Variants in KREMEN1 observed in about 807,000 individuals in gnomAD.
KREMEN1 encodes the protein kremen protein 1.
Under a neutral mutation model 46.5 loss-of-function variants are expected in KREMEN1, and 30 were observed. That is an observed-to-expected ratio of 0.65 (90% CI 0.48 to 0.88). The LOEUF is 0.88. KREMEN1 is among the 40% of genes least tolerant of loss of function. The pLI, the probability that KREMEN1 is intolerant of heterozygous loss-of-function variation, is 0.00. For missense variants in KREMEN1, 533 were observed against 596.9 expected (o/e 0.89, Z 1.11); for synonymous variants, 214 against 230.6 (o/e 0.93, Z 0.65).
chr22:29,114,484 G>A (rs191540955), intron 3 of KREMEN1, among the ~76,000 whole-genome samples: 1 of 38,450 alleles, frequency 2.6e-5, no homozygotes, highest in African/African-American at 2.2e-4. Flanking sequence ...GAAACTCCGT[G>A]TCAAAAAAAA....
chr22:29,108,370 A>G (rs939026001), intron 3 of KREMEN1, among the ~76,000 whole-genome samples: 6 of 152,226 alleles, frequency 3.9e-5, no homozygotes, highest in Admixed American at 6.5e-5. Context: ...TGGTGGAAAG[A>G]TGGAAAGAAT....
At position 29,087,563 on chromosome 22, in the gene KREMEN1, A is replaced by G. The variant is rs192142609; in HGVS notation, c.98-6695A>G. 1.6e-4 allele frequency among the ~76,000 whole-genome samples: 22 copies of G among 137,590 alleles called. No individual in the cohort carries two copies. In the East Asian group the frequency reaches 4.3e-3, roughly 27 times the overall value. 90.3% of individuals were successfully genotyped at this position (137,590 alleles called of 152,430 possible). On this transcript the variant is annotated intron_variant, in intron 1 of 8. Transcript: ENST00000400335. Reference sequence around the variant, plus strand: ...CTGTTTTCCTACCACTATCTTATACATGTCAAGTTTTTTTTTTTTTGACGG... The same window carrying G: ...CTGTTTTCCTACCACTATCTTATACGTGTCAAGTTTTTTTTTTTTTGACGG...
At chr22:29,156,552 TC>T (rs2038963528) in intron 9 of KREMEN1, among the ~76,000 whole-genome samples, 1 of 1,290 alleles carries the variant, frequency 7.8e-4, no homozygotes, top group Non-Finnish European at 2.4e-3. Context: ...CTTGGAATGC[TC>T]TCCGCACAGG....
At chr22:29,140,201 C>T (rs774517891) in intron 7 of KREMEN1, 81 bp from the exon 8 acceptor site, 32 of 1,055,288 alleles carry the variant, frequency 3.0e-5, no homozygotes, top group Non-Finnish European at 4.6e-5. Flanking sequence ...GCCAGACTTA[C>T]TCACTTGGGT....
rs1238809659 is a variant in KREMEN1 at position 29,125,259 on chromosome 22, G to A, written c.478-4G>A. The A allele has an allele frequency of 4.3e-6, 7 of 1,613,854 alleles. No individual in the cohort carries two copies. The East Asian group carries it at 8.9e-5, about 21-fold the overall frequency. The stretch of plus-strand genomic sequence containing the variant: ...TACCGTGTGCTGCTTCTCTGTTGTG[G>A]CAGTTTGCTGGGATGGAGTCAGGCT... On this transcript the variant is annotated splice_region_variant and splice_polypyrimidine_tract_variant and intron_variant, in intron 4 of 8. Transcript: ENST00000400335.
At position 29,144,620 on chromosome 22, in the gene KREMEN1, G is replaced by T; in HGVS notation, c.*2508G>T. On this transcript the variant is annotated 3_prime_UTR_variant, in exon 9 of 9. Coordinates refer to ENST00000400335, the MANE Select transcript of KREMEN1 (RefSeq NM_001039570.3). The stretch of plus-strand genomic sequence containing the variant: ...TGTGGAATCTCTCTCAAACATAAGT[G>T]TCAGGTGTGTGTCGTCCCAACGGGT... The T allele has an allele frequency of 3.0e-6, 3 of 985,544 alleles. No homozygotes were observed. Among genetic ancestry groups the T allele is most frequent in the Non-Finnish European group, 3.6e-6 (3 of 829,988 alleles). 61.0% of individuals were successfully genotyped at this position (985,544 alleles called of 1,614,324 possible).
Position 29,145,591 on chromosome 22 carries a change from C to A in KREMEN1, c.*3479C>A, listed in dbSNP as rs866475629. ...AGTTTCTAGCAGCGTTTCTCAGTGT[C>A]CTTGGCCCTTCTGAGAAGGCAGGCG... is the stretch of plus-strand genomic sequence containing the variant. On this transcript the variant is annotated 3_prime_UTR_variant, in exon 9 of 9. Transcript: ENST00000400335. The A allele has an allele frequency of 1.0e-6, 1 of 985,580 alleles. No homozygotes were observed. The highest frequency in any genetic ancestry group is 1.2e-6 in the Non-Finnish European group (1 of 830,042). 61.1% of individuals were successfully genotyped at this position (985,580 alleles called of 1,614,324 possible).
At chr22:29,091,829 T>C (rs2145757494) in intron 1 of KREMEN1, among the ~76,000 whole-genome samples, 1 of 152,320 alleles carries the variant, frequency 6.6e-6, no homozygotes, top group East Asian at 1.9e-4. Context: ...GTAAAGATGA[T>C]GAGAAGGGCT....
chr22:29,111,458 C>T (rs1013477847), intron 3 of KREMEN1: 4 of 151,336 alleles, frequency 2.6e-5, no homozygotes, highest in Non-Finnish European at 4.4e-5. Flanking sequence ...TAAAAAAATA[C>T]AAAAAATTAG....
intron 5 of KREMEN1, among the ~76,000 whole-genome samples, chr22:29,136,755 T>C (rs1226874617): frequency 1.3e-5 from 2 of 152,142 alleles, no homozygotes; most frequent in Non-Finnish European, 2.9e-5. Flanking sequence ...GCTCAGAATC[T>C]AGCATGTTTC....
Position 29,099,309 on chromosome 22 carries a change from G to C in KREMEN1, c.352+356G>C, listed in dbSNP as rs1330845004. 3.3e-5 allele frequency: 6 copies of C among 183,320 alleles called. No homozygotes were observed. In the South Asian group the frequency reaches 7.3e-4, roughly 22 times the overall value. 11.4% of individuals were successfully genotyped at this position (183,320 alleles called of 1,614,324 possible). A position where few individuals can be genotyped will look rare whatever the true frequency, so the allele number is the denominator to read the frequency against. On this transcript the variant is annotated intron_variant, in intron 3 of 8. Coordinates refer to ENST00000400335, the MANE Select transcript of KREMEN1 (RefSeq NM_001039570.3). ...TTTGGAATGAACATCTTTATACATA[G>C]TGAAACTCAGTTATGGCACTACTTA...
intron 9 of KREMEN1, among the ~76,000 whole-genome samples, chr22:29,153,161 A>C (rs779192645): frequency 1.8e-4 from 27 of 152,224 alleles, no homozygotes; most frequent in Non-Finnish European, 5.9e-5. Flanking sequence ...TAATTAGCAT[A>C]TAATGACCAG....
In KREMEN1 at chr22:29,075,986, T is replaced by C. The variant is rs573148973; in HGVS notation, c.97+2759T>C. ...TGATCTCCCTTCTTTTCATTCTTCC[T>C]CTAAGATTCTCTTCCTTCCTTCACA... On this transcript the variant is annotated intron_variant, in intron 1 of 8. Transcript: ENST00000400335. Among the ~76,000 whole-genome samples, 17 of 152,292 alleles carry C rather than the reference T, an allele frequency of 1.1e-4. 1 individual carries two copies. The South Asian group carries it at 2.9e-3, about 26-fold the overall frequency.
chr22:29,144,624 GGT>G lies in KREMEN1; in HGVS notation c.*2519_*2520del. The stretch of plus-strand genomic sequence containing the variant: ...GAATCTCTCTCAAACATAAGTGTCA[GGT>G]GTGTGTCGTCCCAACGGGTCCTGTG... On this transcript the variant is annotated 3_prime_UTR_variant, in exon 9 of 9. Coordinates refer to ENST00000400335, the MANE Select transcript of KREMEN1 (RefSeq NM_001039570.3). 1.0e-6 allele frequency: 1 copy of G among 985,544 alleles called. No homozygotes were observed. The highest frequency in any genetic ancestry group is 1.7e-5 in the African/African-American group (1 of 57,378). The allele number at this position is 985,544 out of a possible 1,614,324, so 61.0% of individuals were successfully genotyped here.
chr22:29,164,723 GCTA>G (rs1401791432), intron 9 of KREMEN1, among the ~76,000 whole-genome samples: 11 of 125,708 alleles, frequency 8.8e-5, no homozygotes, highest in South Asian at 7.0e-4. Context: ...TCCAGCCTGG[GCTA>G]CAAGAGTGAA....
intron 9 of KREMEN1, among the ~76,000 whole-genome samples, chr22:29,165,043 C>T (rs1310753192): frequency 4.6e-5 from 7 of 151,706 alleles, no homozygotes; most frequent in African/African-American, 1.5e-4. Flanking sequence ...CATGGTGGTG[C>T]GTGCCTGTGG....
rs548115241 is a variant in KREMEN1, at chr22:29,095,736, G to A, written c.260+1316G>A. Among the ~76,000 whole-genome samples the A allele has an allele frequency of 9.9e-5, 15 of 152,220 alleles. No homozygotes were observed. The East Asian group carries it at 2.7e-3, about 27-fold the overall frequency. On this transcript the variant is annotated intron_variant, in intron 2 of 8. Transcript: ENST00000400335. ...TTGCTAACGCTCTAGGGCCCTTGTA[G>A]TTGTCTCAAAGTCACCAGGCCTTTA...
At chr22:29,119,877 T>A (rs573276475) in intron 3 of KREMEN1, among the ~76,000 whole-genome samples, 2 of 152,338 alleles carry the variant, frequency 1.3e-5, no homozygotes, top group South Asian at 4.1e-4. Context: ...ATAGGAGATT[T>A]TGCAGATATG....
rs1331276054 is a variant in KREMEN1, at chr22:29,142,947, C to T, written c.*835C>T. 1.0e-5 allele frequency: 8 copies of T among 776,854 alleles called. No individual in the cohort carries two copies. The highest frequency in any genetic ancestry group is 2.6e-4 in the East Asian group (2 of 7,806). The allele number at this position is 776,854 out of a possible 1,614,324, so 48.1% of individuals were successfully genotyped here. A position where few individuals can be genotyped will look rare whatever the true frequency, so the allele number is the denominator to read the frequency against. ...GGCAGATCACCTGAGGTCAGGAGTT[C>T]GAGACCAGCCTGGCCAACATGGTGA... On this transcript the variant is annotated 3_prime_UTR_variant, in exon 9 of 9. Transcript: ENST00000400335.
Sources: gnomAD v4.1 joint callset for allele counts (sites outside exome capture counted in the v4.1 genomes callset) on GRCh38, gnomAD v4.1.1 for gene constraint, MANE v1.5 for transcripts, NCBI Gene and HGNC (gene_info 2026-07-23, HGNC 2026-07-21) for gene names.